Variants in SPATS2L observed in about 807,000 individuals in gnomAD.
SPATS2L encodes spermatogenesis associated serine rich 2 like.
In SPATS2L, 30 loss-of-function variants were observed where a neutral mutation model predicts 59.6. The ratio of observed to expected loss-of-function variants is 0.50; its 90% CI spans 0.38 to 0.68. The LOEUF (loss-of-function observed/expected upper bound fraction) is 0.68, where lower values mean the gene tolerates loss of function less well. Among genes scored for constraint, SPATS2L ranks in the 30% least tolerant of loss-of-function variants. The pLI is 0.00. For missense variants in SPATS2L, 615 were observed against 700.0 expected (o/e 0.88, Z 1.37); for synonymous variants, 252 against 263.5 (o/e 0.96, Z 0.42).
intron 8 of SPATS2L, among the ~76,000 whole-genome samples, chr2:200,448,001 C>A (rs2106138330): frequency 6.6e-6 from 1 of 152,200 alleles, no homozygotes; most frequent in Non-Finnish European, 1.5e-5. Context: ...TAAAATTAGC[C>A]AGATGTGGTG....
chr2:200,307,203 C>G (rs1420227615), intron 1 of SPATS2L, among the ~76,000 whole-genome samples: 1 of 151,566 alleles, frequency 6.6e-6, no homozygotes, highest in Non-Finnish European at 1.5e-5. Flanking sequence ...GTGGCGCTCC[C>G]CGGGCGAGCG....
intron 5 of SPATS2L, among the ~76,000 whole-genome samples, chr2:200,418,202 A>T (rs1291839224): frequency 6.6e-6 from 1 of 152,160 alleles, no homozygotes. Flanking sequence ...CGAGAGGTCC[A>T]GGGGCTTTCT....
Position 200,329,586 on chromosome 2 carries a change from C to T in SPATS2L, c.-23+106C>T, listed in dbSNP as rs533899035. 7.7e-4 allele frequency: 733 copies of T among 958,004 alleles called. 1 individual carries two copies. The highest frequency in any genetic ancestry group is 1.1e-3 in the Non-Finnish European group (676 of 614,670). The allele number at this position is 958,004 out of a possible 1,614,324, so 59.3% of individuals were successfully genotyped here. A position where few individuals can be genotyped will look rare whatever the true frequency, so the allele number is the denominator to read the frequency against. On this transcript the variant is annotated intron_variant, in intron 2 of 12. Transcript: ENST00000409140. ...TGGGAGCCTTGTCACAGCCTTTGGC[C>T]GCCTCTGCTGCCTCTCAGGGCTCAA...
intron 1 of SPATS2L, among the ~76,000 whole-genome samples, chr2:200,328,531 A>C (rs568964127): frequency 9.2e-5 from 14 of 152,278 alleles, no homozygotes; most frequent in African/African-American, 3.4e-4. Context: ...GGTCACCCAG[A>C]GAGTTGGTGC....
At chr2:200,427,503 TTATTA>T (rs1424400610) in intron 6 of SPATS2L, among the ~76,000 whole-genome samples, 1 of 148,638 alleles carries the variant, frequency 6.7e-6, no homozygotes, top group East Asian at 1.9e-4. Context: ...TATACATGTA[TTATTA>T]TATATAATAA....
chr2:200,396,759 G>A lies in SPATS2L; in HGVS notation c.39+7476G>A, dbSNP rs1391357601. On this transcript the variant is annotated intron_variant, in intron 3 of 12. Coordinates refer to ENST00000409140, the MANE Select transcript of SPATS2L (RefSeq NM_001100423.2). ...AAAGTGCAAACCATGGAAGCTTTGG[G>A]GAAAAATTTGCAGGAGTGTAGAAGT... Among the ~76,000 whole-genome samples the A allele has an allele frequency of 4.6e-5, 7 of 152,184 alleles. 1 individual carries two copies. The highest frequency in any genetic ancestry group is 4.6e-4 in the Admixed American group (7 of 15,280).
chr2:200,452,279 G>A (rs1234441638), intron 8 of SPATS2L, among the ~76,000 whole-genome samples: 1 of 152,130 alleles, frequency 6.6e-6, no homozygotes, highest in East Asian at 1.9e-4. Flanking sequence ...TCTAAACAGA[G>A]GAATATAGAT....
rs574456506 is a variant in SPATS2L at position 200,462,786 on chromosome 2, T to G, written c.847+2959T>G. ...AAAAATAAAAAATAAATTAGCCACGTGTGGTGGCATGTGCCCATAGTTCTA... is the reference window on the plus strand; with the variant it reads ...AAAAATAAAAAATAAATTAGCCACGGGTGGTGGCATGTGCCCATAGTTCTA... On this transcript the variant is annotated intron_variant, in intron 9 of 12. Coordinates refer to ENST00000409140, the MANE Select transcript of SPATS2L (RefSeq NM_001100423.2). Among the ~76,000 whole-genome samples, 199 of 152,150 alleles carry G rather than the reference T, an allele frequency of 1.3e-3. 1 individual carries two copies. The highest frequency in any genetic ancestry group is 7.5e-4 in the Non-Finnish European group (51 of 68,006).
chr2:200,396,011 G>GACAAAAAAAAAAA (rs2082318749), intron 3 of SPATS2L, among the ~76,000 whole-genome samples: 4 of 10,590 alleles, frequency 3.8e-4, no homozygotes, highest in Admixed American at 2.5e-3. Context: ...ACTCGATCTG[G>GACAAAAAAAAAAA]AAAAAAAAAA....
chr2:200,415,047 C>G (rs2083009424), intron 4 of SPATS2L, among the ~76,000 whole-genome samples: 2 of 152,130 alleles, frequency 1.3e-5, no homozygotes, highest in Admixed American at 1.3e-4. Flanking sequence ...CCAAGACTTA[C>G]CAAGAAACTT....
At chr2:200,408,644 G>T (rs1170685491) in intron 3 of SPATS2L, among the ~76,000 whole-genome samples, 2 of 152,218 alleles carry the variant, frequency 1.3e-5, no homozygotes, top group African/African-American at 2.4e-5. Flanking sequence ...TCTGTTAACG[G>T]CTCTTAACCA....
chr2:200,469,877 A>G, intron 10 of SPATS2L, 37 bp from the exon 11 acceptor site: 1 of 1,539,596 alleles, frequency 6.5e-7, no homozygotes, highest in Non-Finnish European at 8.9e-7. Flanking sequence ...TCATTTCTGT[A>G]ATCATGGGGT....
At chr2:200,419,529 G>T in intron 6 of SPATS2L, 33 bp downstream of exon 6, 1 of 1,609,692 alleles carries the variant, frequency 6.2e-7, no homozygotes, top group South Asian at 1.1e-5. Flanking sequence ...TGCTTAGGAA[G>T]GCATAGATGA....
chr2:200,472,773 T>C, intron 11 of SPATS2L, 59 bp from the exon 12 acceptor site: 2 of 1,445,184 alleles, frequency 1.4e-6, no homozygotes, highest in East Asian at 4.6e-5. Flanking sequence ...TCCTAATGGG[T>C]TACTGAGGCA....
At chr2:200,407,285 T>C (rs755320344) in intron 3 of SPATS2L, among the ~76,000 whole-genome samples, 6 of 152,218 alleles carry the variant, frequency 3.9e-5, no homozygotes, top group Admixed American at 6.5e-5. Flanking sequence ...AGCTAGCATG[T>C]AGCAGAAGCA....
At chr2:200,310,292 G>C (rs1315625808) in intron 1 of SPATS2L, among the ~76,000 whole-genome samples, 1 of 152,172 alleles carries the variant, frequency 6.6e-6, no homozygotes, top group Non-Finnish European at 1.5e-5. Context: ...CCAGACTGGA[G>C]ATGTAGGAAC....
In SPATS2L at chr2:200,472,904, C is replaced by G; in HGVS notation, c.1133C>G (p.Ala378Gly). The G allele has an allele frequency of 6.2e-7, 1 of 1,613,920 alleles. No individual in the cohort carries two copies. The highest frequency in any genetic ancestry group is 1.1e-5 in the South Asian group (1 of 91,080). ...SSLLPLLNAH[A>G]ATSGKQSNFS... ...CTGCTGCCTCTGCTGAATGCGCACGCAGCAACCTCTGGGAAACAGAGTAAC... is the reference window on the plus strand; with the variant it reads ...CTGCTGCCTCTGCTGAATGCGCACGGAGCAACCTCTGGGAAACAGAGTAAC... The change falls in exon 12 of 13, where the codon GCA (alanine) becomes GGA (glycine). Residue 378 changes from alanine to glycine, a missense_variant. By Grantham distance (60) the Ala-to-Gly change is moderately conservative. This residue lies in a region of SPATS2L where 284 missense variants were observed against 280.1 expected (regional missense o/e 1.01). Transcript: ENST00000409140.
intron 1 of SPATS2L, among the ~76,000 whole-genome samples, chr2:200,326,732 TTC>T (rs2079759118): frequency 6.6e-6 from 1 of 151,916 alleles, no homozygotes; most frequent in African/African-American, 2.4e-5. Flanking sequence ...TGTTTGAGCA[TTC>T]TTTTTTTTTT....
intron 3 of SPATS2L, among the ~76,000 whole-genome samples, chr2:200,401,433 G>A (rs575544741): frequency 1.4e-3 from 207 of 152,268 alleles, no homozygotes; most frequent in Non-Finnish European, 2.5e-3. Flanking sequence ...GTGCCCTCTC[G>A]AAGAGTTTTG....
Sources: allele counts gnomAD v4.1 joint callset (sites outside exome capture counted in the v4.1 genomes callset), GRCh38; gene constraint gnomAD v4.1.1; regional missense constraint gnomAD v4.1.1; transcripts MANE v1.5; gene names NCBI Gene and HGNC (gene_info 2026-07-23, HGNC 2026-07-21).